The following HCK variants were observed in gnomAD, a reference collection of about 807,000 sequenced individuals.
HCK encodes the protein HCK proto-oncogene, Src family tyrosine kinase.
A neutral mutation model predicts 70.4 loss-of-function variants in HCK; 40 were observed. The ratio of observed to expected loss-of-function variants is 0.57; its 90% CI spans 0.44 to 0.74. The LOEUF (loss-of-function observed/expected upper bound fraction) is 0.74. HCK is among the 30% of genes least tolerant of loss of function. HCK has a pLI of 0.00. For missense variants in HCK, 568 were observed against 697.2 expected, an observed-to-expected ratio of 0.81 and a Z score of 2.09; for synonymous variants, 245 against 263.2, an observed-to-expected ratio of 0.93 and a Z score of 0.67.
At chr20:32,062,976 T>G (rs1396112900) in intron 1 of HCK, among the ~76,000 whole-genome samples, 1 of 152,136 alleles carries the variant, frequency 6.6e-6, no homozygotes, top group Non-Finnish European at 1.5e-5. Context: ...TCTGCCTTCT[T>G]GAGAGTTCTG....
rs187143930 is a variant in HCK at position 32,061,194 on chromosome 20, G to C, written c.62+8708G>C. Among the ~76,000 whole-genome samples, 64 of 152,318 alleles carry C rather than the reference G, an allele frequency of 4.2e-4. No homozygotes were observed. The East Asian group carries it at 5.0e-3, about 12-fold the overall frequency. On this transcript the variant is annotated intron_variant, in intron 1 of 12. Transcript: ENST00000375852. ...AGACGGGGTTTCACCATGTTGGCCAGGCTGGTCTTGAACTCCTGACCTTGT... is the reference window on the plus strand; with the variant it reads ...AGACGGGGTTTCACCATGTTGGCCACGCTGGTCTTGAACTCCTGACCTTGT...
chr20:32,065,632 C>T (rs1468751645), intron 1 of HCK, among the ~76,000 whole-genome samples: 1 of 152,096 alleles, frequency 6.6e-6, no homozygotes, highest in African/African-American at 2.4e-5. Context: ...GGTGCTTTTT[C>T]CCTAATTTTT....
chr20:32,063,272 T>G (rs1322556955), intron 1 of HCK, among the ~76,000 whole-genome samples: 1 of 152,202 alleles, frequency 6.6e-6, no homozygotes, highest in African/African-American at 2.4e-5. Context: ...CTTCTTTTTT[T>G]GAAACATTCT....
chr20:32,079,939 C>A, intron 6 of HCK, 62 bp downstream of exon 6: 1 of 1,220,136 alleles, frequency 8.2e-7, no homozygotes, highest in Non-Finnish European at 1.2e-6. Flanking sequence ...GGCTGGCCAC[C>A]ACCCTTTCCT....
chr20:32,082,457 C>T (rs771466260), intron 6 of HCK, among the ~76,000 whole-genome samples: 6 of 152,008 alleles, frequency 3.9e-5, no homozygotes, highest in Non-Finnish European at 8.8e-5. Flanking sequence ...GCCTGGCCAG[C>T]ATGGTGAAAC....
intron 12 of HCK, 130 bp downstream of exon 12, chr20:32,099,265 A>C: frequency 1.1e-6 from 1 of 886,748 alleles, no homozygotes; most frequent in Non-Finnish European, 1.7e-6. Flanking sequence ...TTCCTGTCTT[A>C]GTTAAAGGCA....
chr20:32,053,306 A>G (rs1466593251), intron 1 of HCK, among the ~76,000 whole-genome samples: 1 of 151,914 alleles, frequency 6.6e-6, no homozygotes, highest in African/African-American at 2.4e-5. Flanking sequence ...GGGGAGAGTA[A>G]TAGTACCTCC....
chr20:32,078,284 A>G (rs2045657888), intron 5 of HCK, among the ~76,000 whole-genome samples: 1 of 148,542 alleles, frequency 6.7e-6, no homozygotes. Context: ...TGACCTCGTG[A>G]TCCACCCGCC....
intron 1 of HCK, among the ~76,000 whole-genome samples, chr20:32,055,836 T>A (rs2045262583): frequency 6.6e-6 from 1 of 152,012 alleles, no homozygotes; most frequent in African/African-American, 2.4e-5. Context: ...TACCCCCCAT[T>A]CCCCCGGCCC....
intron 10 of HCK, 24 bp downstream of exon 10, chr20:32,088,668 G>A (rs762339235): frequency 3.1e-6 from 5 of 1,597,020 alleles, no homozygotes; most frequent in Non-Finnish European, 4.3e-6. Flanking sequence ...GAGGAAACGG[G>A]GAAGGGAAAC....
At chr20:32,076,923 T>C (rs764435953) in intron 5 of HCK, among the ~76,000 whole-genome samples, 4 of 151,926 alleles carry the variant, frequency 2.6e-5, no homozygotes, top group Non-Finnish European at 5.9e-5. Flanking sequence ...CTGCCTCTAC[T>C]AAAAATACAA....
chr20:32,071,891 A>C lies in HCK; in HGVS notation c.183+109A>C, dbSNP rs550836795. 38 of 1,388,996 alleles carry C rather than the reference A, an allele frequency of 2.7e-5. No individual in the cohort carries two copies. The East Asian group carries it at 9.4e-4, about 34-fold the overall frequency. The allele number at this position is 1,388,996 out of a possible 1,614,324, so 86.0% of individuals were successfully genotyped here. A position where few individuals can be genotyped will look rare whatever the true frequency, so the allele number is the denominator to read the frequency against. On this transcript the variant is annotated intron_variant, in intron 2 of 12. Transcript: ENST00000375852. Reference sequence around the variant, plus strand: ...TTGGGCAGGGTGAGCTTGGGGTGAAAGGGAGCTGACTGGCCACCAACAGTG... The same window carrying C: ...TTGGGCAGGGTGAGCTTGGGGTGAACGGGAGCTGACTGGCCACCAACAGTG...
Position 32,093,939 on chromosome 20 carries a change from CT to C in HCK, c.1170del (p.Ala391HisfsTer57). ...CTCCGAGCTGCCAACATCTTGGTCT[CT>C]GCATCCCTGGTGTGTAAGATTGCTG... is the stretch of plus-strand genomic sequence containing the variant. On this transcript the variant is annotated frameshift_variant, in exon 11 of 13. Coordinates refer to ENST00000375852, the MANE Select transcript of HCK (RefSeq NM_002110.5). LOFTEE classifies it high-confidence loss of function. 2 of 1,613,976 alleles carry C rather than the reference CT, an allele frequency of 1.2e-6. No individual in the cohort carries two copies. Among genetic ancestry groups the C allele is most frequent in the Non-Finnish European group, 1.7e-6 (2 of 1,179,984 alleles).
intron 1 of HCK, among the ~76,000 whole-genome samples, chr20:32,067,313 C>G (rs2045472572): frequency 6.6e-6 from 1 of 152,068 alleles, no homozygotes; most frequent in East Asian, 1.9e-4. Context: ...GTTGTGCAAC[C>G]CTCACCACCA....
At chr20:32,053,637 C>CAA (rs1160849578) in intron 1 of HCK, among the ~76,000 whole-genome samples, 6,032 of 60,402 alleles carry the variant, frequency 0.1, 1,192 homozygotes, top group African/African-American at 0.33. Flanking sequence ...GACTCTGTCT[C>CAA]AAAAAAAAAA....
chr20:32,054,168 G>A (rs986785580), intron 1 of HCK: 1 of 439,884 alleles, frequency 2.3e-6, no homozygotes, highest in Non-Finnish European at 4.6e-6. Flanking sequence ...AAAAATTGAA[G>A]TCTCCCCACC....
At chr20:32,064,558 A>C (rs1343798985) in intron 1 of HCK, among the ~76,000 whole-genome samples, 1 of 152,254 alleles carries the variant, frequency 6.6e-6, no homozygotes, top group Non-Finnish European at 1.5e-5. Context: ...CTCAGAGACA[A>C]GTTGAGACTT....
At chr20:32,100,714 C>CA (rs1164904649) in intron 12 of HCK, among the ~76,000 whole-genome samples, 13 of 151,964 alleles carry the variant, frequency 8.6e-5, no homozygotes, top group African/African-American at 3.1e-4. Context: ...TTGAACTGAA[C>CA]AAAAAAATGG....
chr20:32,076,797 C>T (rs1405666130), intron 5 of HCK, among the ~76,000 whole-genome samples: 2 of 151,804 alleles, frequency 1.3e-5, no homozygotes, highest in Non-Finnish European at 2.9e-5. Flanking sequence ...TCTAAATACG[C>T]ATATCTGGCC....
Sources: allele counts gnomAD v4.1 joint callset (sites outside exome capture counted in the v4.1 genomes callset), GRCh38; gene constraint gnomAD v4.1.1; transcripts MANE v1.5; gene names NCBI Gene and HGNC (gene_info 2026-07-23, HGNC 2026-07-21).